Variants in USP6NL observed in about 807,000 individuals in gnomAD.
USP6NL encodes USP6 N-terminal-like protein.
Under a neutral mutation model 61.9 loss-of-function variants are expected in USP6NL, and 26 were observed. The ratio of observed to expected loss-of-function variants is 0.42; its 90% CI spans 0.31 to 0.58. The LOEUF is 0.58. Ranked by LOEUF, USP6NL falls within the 20% of genes least tolerant of loss-of-function variation. The probability of loss-of-function intolerance (pLI) is 0.16; values close to 1 mark genes in which losing one functional copy is unlikely to be tolerated. For missense variants in USP6NL, 1,114 were observed against 1,034.3 expected, an observed-to-expected ratio of 1.08 and a Z score of -1.06; for synonymous variants, 432 against 390.1, an observed-to-expected ratio of 1.11 and a Z score of -1.27.
At chr10:11,519,240 T>C (rs774278937) in intron 4 of USP6NL, among the ~76,000 whole-genome samples, 8 of 152,176 alleles carry the variant, frequency 5.3e-5, no homozygotes, top group Non-Finnish European at 7.3e-5. Context: ...GTTCAAACTA[T>C]GGTCTATAAT....
chr10:11,519,112 C>T (rs535878787), intron 4 of USP6NL, among the ~76,000 whole-genome samples: 23 of 149,724 alleles, frequency 1.5e-4, no homozygotes, highest in Admixed American at 1.2e-3. Flanking sequence ...ACAGACACTA[C>T]GTAAATCAAG....
chr10:11,557,453 T>C (rs1836752360), intron 2 of USP6NL, among the ~76,000 whole-genome samples: 1 of 152,238 alleles, frequency 6.6e-6, no homozygotes, highest in Non-Finnish European at 1.5e-5. Flanking sequence ...TTTCCAAATA[T>C]ACTTACCACA....
chr10:11,543,102 T>C (rs1033623793), intron 2 of USP6NL, among the ~76,000 whole-genome samples: 1 of 152,228 alleles, frequency 6.6e-6, no homozygotes, highest in Non-Finnish European at 1.5e-5. Flanking sequence ...GGGTATTCAA[T>C]CATTATTACC....
At position 11,589,965 on chromosome 10, in the gene USP6NL, C is replaced by T. The variant is rs532917934; in HGVS notation, c.4+7666G>A. Among the ~76,000 whole-genome samples the T allele has an allele frequency of 7.2e-5, 11 of 152,238 alleles. No individual in the cohort carries two copies. The highest frequency in any genetic ancestry group is 4.1e-4 in the South Asian group (2 of 4,828). On this transcript the variant is annotated intron_variant, in intron 2 of 14. Transcript: ENST00000609104. The surrounding 1 kb of genome is among the most constrained non-coding windows in gnomAD (Gnocchi z 4.7). ...ACTCTACTACCAACTGCCTGCACAA[C>T]GGCCATTATCTCTGAACATGAATAA...
Position 11,511,446 on chromosome 10 carries a change from T to C in USP6NL, c.196-1771A>G, listed in dbSNP as rs1196463039. 6.6e-6 allele frequency among the ~76,000 whole-genome samples: 1 copy of C among 152,224 alleles called. No homozygotes were observed. Among genetic ancestry groups the C allele is most frequent in the Non-Finnish European group, 1.5e-5 (1 of 68,038 alleles). On this transcript the variant is annotated intron_variant, in intron 5 of 14. Transcript: ENST00000609104. This position sits in a 1 kb window ranked among gnomAD's most constrained non-coding sequence, Gnocchi z 4.9. Reference sequence around the variant, plus strand: ...GATCTAAATTGCCATTTGGTATTTTTTGTTCTTCTGCACTTTCTCCCCTGA... The same window carrying C: ...GATCTAAATTGCCATTTGGTATTTTCTGTTCTTCTGCACTTTCTCCCCTGA...
chr10:11,502,532 T>C (rs1408538917), intron 6 of USP6NL, among the ~76,000 whole-genome samples: 3 of 152,204 alleles, frequency 2.0e-5, no homozygotes, highest in African/African-American at 7.2e-5. Flanking sequence ...AGTACTCTTA[T>C]TATCATCGTA....
chr10:11,554,021 C>T (rs1260078835), intron 2 of USP6NL, among the ~76,000 whole-genome samples: 2 of 152,148 alleles, frequency 1.3e-5, no homozygotes, highest in Non-Finnish European at 1.5e-5. Flanking sequence ...AGGCTCCTTC[C>T]ATCTTTCTTC....
At chr10:11,580,104 C>A (rs1837698790) in intron 2 of USP6NL, among the ~76,000 whole-genome samples, 1 of 151,798 alleles carries the variant, frequency 6.6e-6, no homozygotes, top group South Asian at 2.1e-4. Flanking sequence ...ATTATCTAGC[C>A]CCAAAAGTCA....
In USP6NL at chr10:11,463,420, G is replaced by C. The variant is rs1457210787; in HGVS notation, c.1508C>G (p.Thr503Ser). The C allele has an allele frequency of 1.9e-6, 3 of 1,614,028 alleles. No individual in the cohort carries two copies. The highest frequency in any genetic ancestry group is 3.3e-5 in the Admixed American group (2 of 60,034). The part of the protein sequence containing the change: ...VSATERTAKY[T>S]MEGKGRAAHP... ...CGCTGCTCGACCTTTGCCTTCCATG[G>C]TGTATTTGGCAGTTCTCTCTGTAGC... The change falls in exon 15 of 15, where the codon ACC becomes AGC. Residue 503 changes from threonine to serine, a missense_variant. Thr to Ser is a moderately conservative substitution (Grantham distance 58, BLOSUM62 1). Coordinates refer to ENST00000609104, the MANE Select transcript of USP6NL (RefSeq NM_014688.5). This position sits in a 1 kb window ranked among gnomAD's most constrained non-coding sequence, Gnocchi z 6.3.
chr10:11,605,662 A>G (rs1403006360), intron 1 of USP6NL, among the ~76,000 whole-genome samples: 1 of 152,232 alleles, frequency 6.6e-6, no homozygotes, highest in Non-Finnish European at 1.5e-5. Context: ...GTGGCAAAGC[A>G]TATCTGAAAA....
chr10:11,555,471 A>AAGAGAGAGAGAG (rs1190819331), intron 2 of USP6NL, among the ~76,000 whole-genome samples: 1 of 62,216 alleles, frequency 1.6e-5, no homozygotes, highest in African/African-American at 7.1e-5. Flanking sequence ...GAGAGAGAGA[A>AAGAGAGAGAGAG]AGAGAGAGAG....
At chr10:11,530,840 T>G (rs899703364) in intron 2 of USP6NL, among the ~76,000 whole-genome samples, 1 of 152,254 alleles carries the variant, frequency 6.6e-6, no homozygotes, top group Non-Finnish European at 1.5e-5. Flanking sequence ...AGTTAAATTA[T>G]GGCTCATACT....
At chr10:11,570,032 A>C (rs1303914271) in intron 2 of USP6NL, among the ~76,000 whole-genome samples, 1 of 152,136 alleles carries the variant, frequency 6.6e-6, no homozygotes, top group Non-Finnish European at 1.5e-5. Context: ...TGCTCACACA[A>C]ACTCTCTTTT....
At position 11,591,608 on chromosome 10, in the gene USP6NL, C is replaced by A. The variant is rs551957018; in HGVS notation, c.4+6023G>T. 6.6e-6 allele frequency among the ~76,000 whole-genome samples: 1 copy of A among 152,100 alleles called. No individual in the cohort carries two copies. Among genetic ancestry groups the A allele is most frequent in the South Asian group, 2.1e-4 (1 of 4,822 alleles). On this transcript the variant is annotated intron_variant, in intron 2 of 14. Coordinates refer to ENST00000609104, the MANE Select transcript of USP6NL (RefSeq NM_014688.5). This position sits in a 1 kb window ranked among gnomAD's most constrained non-coding sequence, Gnocchi z 4.7. Reference sequence around the variant, plus strand: ...ATGTTTTGTTTAAACATTTCAATTTCTTTTCTAGATAGAGGTGTGTGTGAG... The same window carrying A: ...ATGTTTTGTTTAAACATTTCAATTTATTTTCTAGATAGAGGTGTGTGTGAG...
At position 11,592,507 on chromosome 10, in the gene USP6NL, A is replaced by G. The variant is rs1012678840; in HGVS notation, c.4+5124T>C. Among the ~76,000 whole-genome samples the G allele has an allele frequency of 6.6e-6, 1 of 152,244 alleles. No individual in the cohort carries two copies. The highest frequency in any genetic ancestry group is 2.1e-4 in the South Asian group (1 of 4,834). ...TTTTAAGAATAACATTTAGAACTTTATATTCCCAAATCTAAATTTATCAAA... is the reference window on the plus strand; with the variant it reads ...TTTTAAGAATAACATTTAGAACTTTGTATTCCCAAATCTAAATTTATCAAA... On this transcript the variant is annotated intron_variant, in intron 2 of 14. Coordinates refer to ENST00000609104, the MANE Select transcript of USP6NL (RefSeq NM_014688.5). This position sits in a 1 kb window ranked among gnomAD's most constrained non-coding sequence, Gnocchi z 4.7.
At chr10:11,506,685 G>A (rs1388372531) in intron 6 of USP6NL, among the ~76,000 whole-genome samples, 1 of 150,996 alleles carries the variant, frequency 6.6e-6, no homozygotes, top group African/African-American at 2.4e-5. Context: ...ACTGTACATA[G>A]GGAGGCAGTC....
Position 11,510,200 on chromosome 10 carries a change from T to C in USP6NL, c.196-525A>G, listed in dbSNP as rs17536733. On this transcript the variant is annotated intron_variant, in intron 5 of 14. Transcript: ENST00000609104. The surrounding 1 kb of genome is among the most constrained non-coding windows in gnomAD (Gnocchi z 4.8). ...GTACTAGTTGCTGCCCTAAAGAAAT[T>C]TGACCAGGTGCTAAGGACAATGGAC... Among the ~76,000 whole-genome samples the C allele has an allele frequency of 0.058, 8,843 of 152,160 alleles. 370 individuals carry two copies. The highest frequency in any genetic ancestry group is 0.089 in the Non-Finnish European group (6,063 of 67,958).
Position 11,493,172 on chromosome 10 carries a change from A to G in USP6NL, c.441T>C (p.Asp147=), listed in dbSNP as rs748536203. ...CSPDIRQIDL[D]VNRTFRDHIM... is the part of the protein sequence containing the mutation. ...TGTGGTCCCGAAATGTGCGGTTGAC[A>G]TCCAGGTCTATTTGTCTGATGTCAG... is the stretch of plus-strand genomic sequence containing the variant. Residue 147 remains aspartate, a synonymous_variant, in exon 8 of 15, where the codon GAT becomes GAC. Coordinates refer to ENST00000609104, the MANE Select transcript of USP6NL (RefSeq NM_014688.5). The G allele has an allele frequency of 3.1e-6, 5 of 1,612,710 alleles. No homozygotes were observed. Among genetic ancestry groups the G allele is most frequent in the Non-Finnish European group, 4.2e-6 (5 of 1,179,324 alleles).
Position 11,485,952 on chromosome 10 carries a change from C to A in USP6NL, c.665-41G>T. The A allele has an allele frequency of 7.7e-7, 1 of 1,299,548 alleles. No homozygotes were observed. Among genetic ancestry groups the A allele is most frequent in the Non-Finnish European group, 1.1e-6 (1 of 945,720 alleles). The allele number at this position is 1,299,548 out of a possible 1,614,324, so 80.5% of individuals were successfully genotyped here. On this transcript the variant is annotated intron_variant, in intron 10 of 14. Transcript: ENST00000609104. The surrounding 1 kb of genome is among the most constrained non-coding windows in gnomAD (Gnocchi z 4.8). ...AAAAACAACATTTCATAAACAATAC[C>A]AACAAAACCCTCCAATCTTAAAACA...
Sources: gnomAD v4.1 joint callset for allele counts (sites outside exome capture counted in the v4.1 genomes callset) on GRCh38, gnomAD v4.1.1 for gene constraint, Gnocchi (gnomAD v3.1) non-coding constraint, MANE v1.5 for transcripts, NCBI Gene and HGNC (gene_info 2026-07-23, HGNC 2026-07-21) for gene names.